FOXO3: variants seen among roughly 807,000 people sequenced by gnomAD.
FOXO3 encodes the protein forkhead box protein O3.
In FOXO3, 4 loss-of-function variants were observed where a neutral mutation model predicts 41.9. The observed-to-expected ratio is 0.10, with a 90% confidence interval of 0.05 to 0.22. The LOEUF (loss-of-function observed/expected upper bound fraction) is 0.22, where lower values mean the gene tolerates loss of function less well. Ranked by LOEUF, FOXO3 falls within the 10% of genes least tolerant of loss-of-function variation. The pLI, the probability that FOXO3 is intolerant of heterozygous loss-of-function variation, is 1.00. For missense variants in FOXO3, 534 were observed against 906.8 expected (o/e 0.59, Z 5.28); for synonymous variants, 318 against 389.3 (o/e 0.82, Z 2.16).
At chr6:108,560,875 C>G (rs1162112813), upstream of FOXO3, 1 of 929,472 alleles carries the variant, frequency 1.1e-6, no homozygotes, top group East Asian at 3.4e-5. Flanking sequence ...CGCGCGAGGC[C>G]GTCGATTCGC....
chr6:108,679,526 A>G (rs1017307825), intron 2 of FOXO3, among the ~76,000 whole-genome samples: 20 of 152,142 alleles, frequency 1.3e-4, no homozygotes, highest in African/African-American at 4.8e-4. Flanking sequence ...GGACCCACCA[A>G]AACACCCCTA....
At chr6:108,585,568 G>A (rs1471724707) in intron 1 of FOXO3, among the ~76,000 whole-genome samples, 2 of 152,150 alleles carry the variant, frequency 1.3e-5, no homozygotes, top group Non-Finnish European at 2.9e-5. Flanking sequence ...TATCCAGGAA[G>A]GCCCTCTGCC....
intron 1 of FOXO3, chr6:108,639,647 C>T (rs1405636238): frequency 3.8e-6 from 3 of 797,542 alleles, no homozygotes; most frequent in African/African-American, 1.9e-5. Context: ...CCCAAACCTC[C>T]CCCTGCTGAA....
intron 2 of FOXO3, among the ~76,000 whole-genome samples, chr6:108,678,891 T>TTTTTTTTG (rs56036272): frequency 3.4e-5 from 2 of 59,198 alleles, no homozygotes; most frequent in Admixed American, 2.3e-4. Flanking sequence ...TTTTTTTTTT[T>TTTTTTTTG]GAGACGGAGT....
chr6:108,656,460 T>C (rs9400239), intron 1 of FOXO3: 658,421 of 984,696 alleles, frequency 0.67, 226,859 homozygotes, highest in Non-Finnish European at 0.7. Context: ...CTGAAATACT[T>C]TTTTAAAGTT....
At chr6:108,569,512 T>G (rs1776034322) in intron 1 of FOXO3, among the ~76,000 whole-genome samples, 1 of 152,214 alleles carries the variant, frequency 6.6e-6, no homozygotes, top group African/African-American at 2.4e-5. Flanking sequence ...TTGTTCCACT[T>G]TTCACTCCTG....
intron 1 of FOXO3, among the ~76,000 whole-genome samples, chr6:108,662,041 C>T (rs1312860164): frequency 1.3e-5 from 2 of 152,046 alleles, no homozygotes; most frequent in African/African-American, 2.4e-5. Flanking sequence ...CTTCAGATTT[C>T]TTTCATTTTC....
At chr6:108,562,298 G>C (rs561050552) in intron 1 of FOXO3, among the ~76,000 whole-genome samples, 6 of 152,098 alleles carry the variant, frequency 3.9e-5, no homozygotes, top group African/African-American at 1.4e-4. Context: ...AGCATGTTGC[G>C]TCGTCACTAG....
At chr6:108,666,606 G>C (rs1446084065) in intron 2 of FOXO3, among the ~76,000 whole-genome samples, 1 of 151,936 alleles carries the variant, frequency 6.6e-6, no homozygotes, top group Non-Finnish European at 1.5e-5. Context: ...GCCTCCCAAA[G>C]TGCTGGGATT....
chr6:108,615,989 A>AT (rs1259937887), intron 1 of FOXO3, among the ~76,000 whole-genome samples: 32 of 145,454 alleles, frequency 2.2e-4, no homozygotes, highest in Middle Eastern at 3.6e-3. Context: ...TATATTTATA[A>AT]TTTTTTTTTT....
intron 1 of FOXO3, among the ~76,000 whole-genome samples, chr6:108,612,480 GA>G (rs1364652665): frequency 2.6e-5 from 4 of 151,998 alleles, no homozygotes; most frequent in African/African-American, 9.7e-5. Context: ...AGGAGTTTGA[GA>G]CCAGCCTGGC....
intron 1 of FOXO3, among the ~76,000 whole-genome samples, chr6:108,594,613 T>A (rs1021358216): frequency 1.3e-5 from 2 of 152,142 alleles, no homozygotes; most frequent in Non-Finnish European, 2.9e-5. Flanking sequence ...TTGTTTTGTT[T>A]TGCTGCTTTT....
chr6:108,607,626 A>AT (rs1777244237), intron 1 of FOXO3, among the ~76,000 whole-genome samples: 1 of 152,168 alleles, frequency 6.6e-6, no homozygotes, highest in East Asian at 1.9e-4. Context: ...TTATGGATAC[A>AT]TTCTTTTCAG....
At chr6:108,669,629 A>G (rs1451198599) in intron 2 of FOXO3, among the ~76,000 whole-genome samples, 1 of 152,056 alleles carries the variant, frequency 6.6e-6, no homozygotes, top group Non-Finnish European at 1.5e-5. Context: ...ATTCAGGGAG[A>G]GAATGTTGGG....
At chr6:108,560,331 C>T (rs146519970), upstream of FOXO3, among the ~76,000 whole-genome samples, 2 of 152,306 alleles carry the variant, frequency 1.3e-5, no homozygotes, top group East Asian at 1.9e-4. Context: ...GCGGAGGGGA[C>T]GACGTCCGCG....
chr6:108,671,033 G>A (rs1398461811), intron 2 of FOXO3, among the ~76,000 whole-genome samples: 1 of 152,220 alleles, frequency 6.6e-6, no homozygotes, highest in Admixed American at 6.5e-5. Context: ...TGGCAGTGGC[G>A]ATGACAGTTT....
chr6:108,671,063 C>T (rs1779203939), intron 2 of FOXO3, among the ~76,000 whole-genome samples: 1 of 152,170 alleles, frequency 6.6e-6, no homozygotes, highest in South Asian at 2.1e-4. Context: ...CCAAAGACTG[C>T]CTTCCTCACA....
At chr6:108,609,756 A>G (rs528021936) in intron 1 of FOXO3, among the ~76,000 whole-genome samples, 1 of 152,280 alleles carries the variant, frequency 6.6e-6, no homozygotes, top group South Asian at 2.1e-4. Flanking sequence ...GTTCTCACTC[A>G]TTTCTTCAGG....
chr6:108,572,563 T>C (rs912953629), intron 1 of FOXO3, among the ~76,000 whole-genome samples: 1 of 152,218 alleles, frequency 6.6e-6, no homozygotes, highest in Non-Finnish European at 1.5e-5. Flanking sequence ...CAGTAGGTGT[T>C]TGGCTTGAAA....
Sources: allele counts gnomAD v4.1 joint callset (sites outside exome capture counted in the v4.1 genomes callset), GRCh38; gene constraint gnomAD v4.1.1; transcripts MANE v1.5; gene names NCBI Gene and HGNC (gene_info 2026-07-23, HGNC 2026-07-21).